The following OSTN variants were observed in gnomAD, a reference collection of about 807,000 sequenced individuals.
OSTN encodes osteocrin.
OSTN carries 9 observed loss-of-function variants against 12.0 expected under a neutral mutation model. The observed-to-expected ratio is 0.75, with a 90% CI of 0.45 to 1.30. The LOEUF (loss-of-function observed/expected upper bound fraction) is 1.30. OSTN is among the 50% of genes most tolerant of loss of function. OSTN has a pLI of 0.00. For missense variants in OSTN, 148 were observed against 152.3 expected (o/e 0.97, Z 0.15); for synonymous variants, 59 against 56.9 (o/e 1.04, Z -0.16).
At chr3:191,213,053 T>A (rs1714506134) in intron 2 of OSTN, among the ~76,000 whole-genome samples, 1 of 151,636 alleles carries the variant, frequency 6.6e-6, no homozygotes, top group Non-Finnish European at 1.5e-5. Context: ...GTATTTTTAG[T>A]AGAGACAGGG....
At position 191,263,810 on chromosome 3, in the gene OSTN, ATCAT is replaced by A. The variant is rs1275063551; in HGVS notation, c.*961_*964del. 4 of 152,188 alleles carry A rather than the reference ATCAT, an allele frequency of 2.6e-5. No homozygotes were observed. The highest frequency in any genetic ancestry group is 4.4e-5 in the Non-Finnish European group (3 of 67,994). 9.4% of individuals were successfully genotyped at this position (152,188 alleles called of 1,614,324 possible). On this transcript the variant is annotated 3_prime_UTR_variant, in exon 5 of 5. Transcript: ENST00000682035. ...TGATTTTGAGAATGATTTCTTAAAA[ATCAT>A]TCAGATTATTTTTGAATGACTTATT...
At chr3:191,255,499 C>T (rs906965336) in intron 4 of OSTN, among the ~76,000 whole-genome samples, 2 of 152,174 alleles carry the variant, frequency 1.3e-5, no homozygotes, top group African/African-American at 4.8e-5. Flanking sequence ...CACTCAAATC[C>T]TTGATGAAAT....
At chr3:191,261,157 C>T (rs991681898) in intron 4 of OSTN, among the ~76,000 whole-genome samples, 2 of 152,178 alleles carry the variant, frequency 1.3e-5, no homozygotes, top group Non-Finnish European at 2.9e-5. Context: ...CTGCACCCAA[C>T]TGAAGGTGCC....
intron 3 of OSTN, among the ~76,000 whole-genome samples, chr3:191,222,011 C>A (rs1320993289): frequency 6.6e-6 from 1 of 152,222 alleles, no homozygotes; most frequent in Non-Finnish European, 1.5e-5. Flanking sequence ...AGCCCCAAGC[C>A]TTGGCGGCTT....
intron 3 of OSTN, among the ~76,000 whole-genome samples, chr3:191,223,612 A>C (rs1297507767): frequency 1.3e-5 from 2 of 152,218 alleles, no homozygotes; most frequent in Non-Finnish European, 2.9e-5. Flanking sequence ...AGAAGAAAGA[A>C]AACATTACAA....
intron 4 of OSTN, among the ~76,000 whole-genome samples, chr3:191,252,948 C>G (rs1377175837): frequency 1.3e-5 from 2 of 152,172 alleles, no homozygotes; most frequent in African/African-American, 4.8e-5. Context: ...TTCATTTAAT[C>G]CAACCCCATT....
At chr3:191,248,125 C>T (rs573279546) in intron 3 of OSTN, among the ~76,000 whole-genome samples, 3 of 152,230 alleles carry the variant, frequency 2.0e-5, no homozygotes, top group South Asian at 2.1e-4. Flanking sequence ...TGAGCCACTG[C>T]GCCGGGCCTC....
At position 191,257,026 on chromosome 3, in the gene OSTN, G is replaced by GT. The variant is rs535715165; in HGVS notation, c.*13-5833dup. 1.4e-4 allele frequency among the ~76,000 whole-genome samples: 22 copies of GT among 151,728 alleles called. No individual in the cohort carries two copies. In the South Asian group the frequency reaches 3.6e-3, roughly 25 times the overall value. On this transcript the variant is annotated intron_variant, in intron 4 of 4. Coordinates refer to ENST00000682035, the MANE Select transcript of OSTN (RefSeq NM_198184.2). ...AGGGGCACCCCATCTGTACAAAAAA[G>GT]TTTTTTTAAATTAGTCAAGCATTGT...
In OSTN at chr3:191,212,548, T is replaced by C. The variant is rs924668308; in HGVS notation, c.16T>C (p.Leu6=). The change falls in exon 2 of 5, where the codon TTG becomes CTG. Residue 6 remains leucine, a synonymous_variant. Transcript: ENST00000682035. ...TAACCCTTAGATGCTGGACTGGAGA[T>C]TGGCAAGTGCACATTTCATCCTGGC... The part of the protein sequence containing the change: MLDWR[L]ASAHFILAVT... 12 of 1,587,424 alleles carry C rather than the reference T, an allele frequency of 7.6e-6. No homozygotes were observed. The highest frequency in any genetic ancestry group is 1.3e-5 in the African/African-American group (1 of 74,440).
intron 2 of OSTN, among the ~76,000 whole-genome samples, chr3:191,218,125 T>A (rs1234733898): frequency 6.6e-6 from 1 of 152,166 alleles, no homozygotes; most frequent in African/African-American, 2.4e-5. Context: ...GGTATATAGA[T>A]AAAGCACTAT....
At chr3:191,207,768 C>A (rs1714315118) in intron 1 of OSTN, among the ~76,000 whole-genome samples, 1 of 152,074 alleles carries the variant, frequency 6.6e-6, no homozygotes, top group South Asian at 2.1e-4. Flanking sequence ...AACTCTAACA[C>A]CTCTTTAAAA....
chr3:191,204,604 A>C (rs571163754), intron 1 of OSTN, among the ~76,000 whole-genome samples: 29 of 152,356 alleles, frequency 1.9e-4, no homozygotes, highest in African/African-American at 7.0e-4. Flanking sequence ...CAATAAAAAA[A>C]GAGACCGCAA....
chr3:191,238,360 G>T (rs1038580176), intron 3 of OSTN, among the ~76,000 whole-genome samples: 1 of 152,140 alleles, frequency 6.6e-6, no homozygotes, highest in Non-Finnish European at 1.5e-5. Flanking sequence ...GAAAGGGCAG[G>T]CAGTGAGGCA....
At position 191,263,501 on chromosome 3, in the gene OSTN, T is replaced by A. The variant is rs1715854711; in HGVS notation, c.*648T>A. On this transcript the variant is annotated 3_prime_UTR_variant, in exon 5 of 5. Coordinates refer to ENST00000682035, the MANE Select transcript of OSTN (RefSeq NM_198184.2). ...TCACTTGTCCCCTAAAAACTTTCCA[T>A]TTTTCTAAATTCTGACAGTTAAGAG... is the stretch of plus-strand genomic sequence containing the variant. 6.6e-6 allele frequency: 1 copy of A among 152,152 alleles called. No homozygotes were observed. Among genetic ancestry groups the A allele is most frequent in the South Asian group, 2.1e-4 (1 of 4,830 alleles). The allele number at this position is 152,152 out of a possible 1,614,324, so 9.4% of individuals were successfully genotyped here.
At chr3:191,214,694 A>G (rs1034674272) in intron 2 of OSTN, among the ~76,000 whole-genome samples, 2 of 152,176 alleles carry the variant, frequency 1.3e-5, no homozygotes, top group African/African-American at 2.4e-5. Context: ...AATGAAGAGA[A>G]CAGAAAAATG....
intron 4 of OSTN, among the ~76,000 whole-genome samples, chr3:191,250,401 A>G (rs893496976): frequency 6.6e-6 from 1 of 152,190 alleles, no homozygotes; most frequent in African/African-American, 2.4e-5. Flanking sequence ...GTAATTAACC[A>G]TTGAATATTA....
chr3:191,236,515 G>A (rs879587600), intron 3 of OSTN, among the ~76,000 whole-genome samples: 3 of 151,564 alleles, frequency 2.0e-5, no homozygotes, highest in African/African-American at 7.3e-5. Flanking sequence ...TCCATTTTAG[G>A]TATAATGCTT....
At position 191,247,180 on chromosome 3, in the gene OSTN, T is replaced by C. The variant is rs10451938; in HGVS notation, c.318-2857T>C. Reference sequence around the variant, plus strand: ...GGAGACAGTTTTTCTTTTCTTTCAATAGTCATTATTTATAATTACACCAAA... The same window carrying C: ...GGAGACAGTTTTTCTTTTCTTTCAACAGTCATTATTTATAATTACACCAAA... On this transcript the variant is annotated intron_variant, in intron 3 of 4. Transcript: ENST00000682035. Among the ~76,000 whole-genome samples the C allele has an allele frequency of 2.5e-3, 385 of 152,316 alleles. 2 individuals are homozygous for C. The highest frequency in any genetic ancestry group is 8.8e-3 in the African/African-American group (365 of 41,580).
intron 3 of OSTN, among the ~76,000 whole-genome samples, chr3:191,247,178 A>C (rs931330035): frequency 6.6e-6 from 1 of 152,226 alleles, no homozygotes; most frequent in Non-Finnish European, 1.5e-5. Context: ...CTTTTCTTTC[A>C]ATAGTCATTA....
Sources: gnomAD v4.1 joint callset for allele counts (sites outside exome capture counted in the v4.1 genomes callset) on GRCh38, gnomAD v4.1.1 for gene constraint, MANE v1.5 for transcripts, NCBI Gene and HGNC (gene_info 2026-07-23, HGNC 2026-07-21) for gene names.